The following PDE1A variants were observed in gnomAD, a reference collection of about 807,000 sequenced individuals.
The protein encoded by PDE1A is phosphodiesterase 1A, also known as dual specificity calcium/calmodulin-dependent 3',5'-cyclic nucleotide phosphodiesterase 1A.
A neutral mutation model predicts 61.7 loss-of-function variants in PDE1A; 35 were observed. The observed-to-expected ratio is 0.57, with a 90% CI of 0.43 to 0.75. The LOEUF (loss-of-function observed/expected upper bound fraction) is 0.75, where lower values mean the gene tolerates loss of function less well. Among genes scored for constraint, PDE1A ranks in the 30% least tolerant of loss-of-function variants. The probability of loss-of-function intolerance (pLI) is 0.00; values close to 1 mark genes in which losing one functional copy is unlikely to be tolerated. For synonymous variants in PDE1A, 232 were observed against 213.2 expected, an observed-to-expected ratio of 1.09 and a Z score of -0.77; for missense variants, 597 against 630.6, an observed-to-expected ratio of 0.95 and a Z score of 0.57.
the PDE1A span, among the ~76,000 whole-genome samples, chr2:182,688,479 G>A: frequency 4.1e-4 from 63 of 152,256 alleles, no homozygotes; most frequent in Admixed American, 1.1e-3. Flanking sequence ...AGCAAATGCC[G>A]AGAGATTTTG....
chr2:182,576,264 G>A, the PDE1A span, among the ~76,000 whole-genome samples: 7 of 151,976 alleles, frequency 4.6e-5, no homozygotes, highest in East Asian at 5.8e-4. Flanking sequence ...TCTACTTTAC[G>A]TCTCTATGAA....
At chr2:182,453,016 G>A (rs962298174) in intron 2 of PDE1A, among the ~76,000 whole-genome samples, 1 of 152,098 alleles carries the variant, frequency 6.6e-6, no homozygotes, top group African/African-American at 2.4e-5. Flanking sequence ...TGACCTATTA[G>A]AAAACCTTTC....
intron 2 of PDE1A, among the ~76,000 whole-genome samples, chr2:182,441,980 G>A (rs942259764): frequency 1.3e-5 from 2 of 151,994 alleles, no homozygotes; most frequent in Non-Finnish European, 2.9e-5. Context: ...AAATACCAAA[G>A]GAATGATAGA....
the PDE1A span, among the ~76,000 whole-genome samples, chr2:182,554,454 C>G: frequency 6.6e-6 from 1 of 152,136 alleles, no homozygotes; most frequent in African/African-American, 2.4e-5. Flanking sequence ...CTAAGCTCTC[C>G]TTGCCAAGCC....
At chr2:182,262,579 T>C (rs2568686) in intron 2 of PDE1A, among the ~76,000 whole-genome samples, 2,354 of 152,260 alleles carry the variant, frequency 0.015, 37 homozygotes, top group African/African-American at 0.031. Context: ...TGTTTCCTTT[T>C]CCTCAAATAA....
intron 3 of PDE1A, among the ~76,000 whole-genome samples, chr2:182,239,678 A>C (rs1690345518): frequency 7.8e-6 from 1 of 128,992 alleles, no homozygotes; most frequent in Non-Finnish European, 1.6e-5. Flanking sequence ...GAAGGGAAGC[A>C]AATGGTCTTC....
chr2:182,528,769 A>G, the PDE1A span, among the ~76,000 whole-genome samples: 2 of 152,218 alleles, frequency 1.3e-5, no homozygotes, highest in Non-Finnish European at 2.9e-5. Flanking sequence ...CAGCCAGTCC[A>G]GCCATGGCTA....
At chr2:182,208,525 C>T (rs1275010407) in intron 7 of PDE1A, among the ~76,000 whole-genome samples, 1 of 152,130 alleles carries the variant, frequency 6.6e-6, no homozygotes, top group African/African-American at 2.4e-5. Context: ...TTGGTGGGGA[C>T]ACGGAGCCAA....
At chr2:182,658,118 G>A in the PDE1A span, among the ~76,000 whole-genome samples, 15 of 146,728 alleles carry the variant, frequency 1.0e-4, no homozygotes, top group African/African-American at 3.8e-4. Context: ...TAGTTTCCTA[G>A]GGCTGCCATA....
chr2:182,700,352 A>T, the PDE1A span, among the ~76,000 whole-genome samples: 1 of 86,794 alleles, frequency 1.2e-5, no homozygotes, highest in African/African-American at 5.7e-5. Flanking sequence ...TGGGTGGATC[A>T]CCTGAGGTCA....
At chr2:182,397,177 T>A (rs1701753761) in intron 1 of PDE1A, among the ~76,000 whole-genome samples, 1 of 152,162 alleles carries the variant, frequency 6.6e-6, no homozygotes, top group Non-Finnish European at 1.5e-5. Flanking sequence ...TTTTAGGACA[T>A]TTTGAGAGGC....
intron 2 of PDE1A, among the ~76,000 whole-genome samples, chr2:182,457,705 G>T (rs920058866): frequency 5.3e-5 from 8 of 151,966 alleles, no homozygotes; most frequent in African/African-American, 1.9e-4. Context: ...AGCATGTACA[G>T]ACAAGCAGTA....
the PDE1A span, among the ~76,000 whole-genome samples, chr2:182,592,282 C>T: frequency 6.6e-6 from 1 of 152,192 alleles, no homozygotes; most frequent in Non-Finnish European, 1.5e-5. Flanking sequence ...GTAGCATGCT[C>T]TACAGTTTCT....
At chr2:182,151,387 G>A (rs1374679007) in intron 13 of PDE1A, among the ~76,000 whole-genome samples, 1 of 152,142 alleles carries the variant, frequency 6.6e-6, no homozygotes, top group Non-Finnish European at 1.5e-5. Context: ...TTACAGGTGT[G>A]AGCCACCACG....
chr2:182,681,376 G>A, the PDE1A span, among the ~76,000 whole-genome samples: 2 of 151,754 alleles, frequency 1.3e-5, no homozygotes, highest in South Asian at 4.2e-4. Context: ...GCTGCAATCA[G>A]AGTTCATTGC....
intron 1 of PDE1A, among the ~76,000 whole-genome samples, chr2:182,299,148 G>C (rs1353718439): frequency 1.3e-5 from 2 of 151,842 alleles, no homozygotes; most frequent in Non-Finnish European, 2.9e-5. Context: ...ATATTTTAAG[G>C]TGTGTTGGAT....
chr2:182,559,741 C>T, the PDE1A span, among the ~76,000 whole-genome samples: 7 of 152,072 alleles, frequency 4.6e-5, no homozygotes, highest in African/African-American at 9.7e-5. Context: ...TGCTCATCAA[C>T]GGTGCAATAA....
intron 1 of PDE1A, among the ~76,000 whole-genome samples, chr2:182,372,290 G>C (rs1292459911): frequency 1.3e-5 from 2 of 152,110 alleles, no homozygotes; most frequent in Non-Finnish European, 2.9e-5. Context: ...ATTACATAGG[G>C]GAGAAGTATT....
chr2:182,602,794 G>C, the PDE1A span, among the ~76,000 whole-genome samples: 12 of 152,128 alleles, frequency 7.9e-5, no homozygotes, highest in African/African-American at 2.9e-4. Flanking sequence ...TTGTACAATA[G>C]ACAAAGAGAA....
Sources: gnomAD v4.1 joint callset for allele counts (sites outside exome capture counted in the v4.1 genomes callset) on GRCh38, gnomAD v4.1.1 for gene constraint, MANE v1.5 for transcripts, NCBI Gene and HGNC (gene_info 2026-07-23, HGNC 2026-07-21) for gene names.